Variants in ENOX2 observed in about 807,000 individuals in gnomAD.
The protein encoded by ENOX2 is APK1 antigen.
ENOX2 carries 36 observed loss-of-function variants against 45.0 expected under a neutral mutation model. The ratio of observed to expected loss-of-function variants is 0.80; its 90% confidence interval spans 0.61 to 1.06. The LOEUF is 1.06. ENOX2 is among the 50% of genes least tolerant of loss of function. The pLI is 0.00. For synonymous variants in ENOX2, 174 were observed against 152.3 expected (o/e 1.14, Z -1.05); for missense variants, 423 against 462.5 (o/e 0.91, Z 0.78).
chrX:130,870,566 G>A (rs959533501), intron 2 of ENOX2, among the ~76,000 whole-genome samples: 5 of 111,233 alleles, frequency 4.5e-5, no homozygotes, highest in Non-Finnish European at 9.4e-5. Context: ...AATTTTAAAC[G>A]TCAACTGGGG....
At chrX:130,851,437 G>A (rs1311187825) in intron 2 of ENOX2, among the ~76,000 whole-genome samples, 3 of 109,108 alleles carry the variant, frequency 2.7e-5, no homozygotes, top group Non-Finnish European at 5.7e-5. Flanking sequence ...CCCAGGCTGG[G>A]ATAAATGGAT....
intron 4 of ENOX2, among the ~76,000 whole-genome samples, chrX:130,698,553 GTAAAATATATA>G (rs768375058): frequency 9.0e-6 from 1 of 111,703 alleles, no homozygotes; most frequent in South Asian, 3.8e-4. Context: ...TTGGCTCTTG[GTAAAATATATA>G]CCATGATGAT....
chrX:130,818,269 AAC>A (rs1375048334), intron 2 of ENOX2, among the ~76,000 whole-genome samples: 1 of 111,935 alleles, frequency 8.9e-6, no homozygotes, highest in East Asian at 2.8e-4. Context: ...GAAATGGAAA[AAC>A]ATCCCGTGCT....
chrX:130,753,468 A>G (rs1050195570), intron 3 of ENOX2, among the ~76,000 whole-genome samples: 3 of 110,398 alleles, frequency 2.7e-5, no homozygotes, highest in African/African-American at 9.9e-5. Context: ...CTGTTTTTCC[A>G]TCTGACTGGC....
intron 8 of ENOX2, among the ~76,000 whole-genome samples, chrX:130,666,550 A>AT (rs1022904980): frequency 4.6e-5 from 5 of 108,592 alleles, no homozygotes; most frequent in Admixed American, 2.9e-4. Context: ...CAGAGGTATT[A>AT]TTTTTTTTTT....
chrX:130,892,083 G>A (rs190020717), intron 2 of ENOX2, among the ~76,000 whole-genome samples: 1 of 111,608 alleles, frequency 9.0e-6, no homozygotes, highest in African/African-American at 3.3e-5. Context: ...CATAGTACTT[G>A]ACACAAAATG....
chrX:130,800,125 C>T (rs1323453329), intron 2 of ENOX2, among the ~76,000 whole-genome samples: 1 of 110,697 alleles, frequency 9.0e-6, no homozygotes, highest in Non-Finnish European at 1.9e-5. Context: ...GAATAAATTA[C>T]CCTAATTGAC....
At chrX:130,772,739 A>T (rs2039770042) in intron 3 of ENOX2, among the ~76,000 whole-genome samples, 1 of 112,075 alleles carries the variant, frequency 8.9e-6, no homozygotes, top group Non-Finnish European at 1.9e-5. Flanking sequence ...TACACCAAGC[A>T]TCTTCTACGT....
intron 2 of ENOX2, among the ~76,000 whole-genome samples, chrX:130,821,741 T>TAAAAAAAAAAAAAAAAAAAAAA (rs1569505783): frequency 1.2e-4 from 3 of 24,209 alleles, no homozygotes; most frequent in African/African-American, 3.8e-4. Context: ...AATAAATAAA[T>TAAAAAAAAAAAAAAAAAAAAAA]TAAAAAAAAA....
At chrX:130,657,169 T>C (rs900510470) in intron 9 of ENOX2, among the ~76,000 whole-genome samples, 6 of 111,878 alleles carry the variant, frequency 5.4e-5, no homozygotes, top group African/African-American at 1.9e-4. Context: ...CTTTCAGGAG[T>C]AATATTCTAC....
At chrX:130,758,087 T>C (rs2039396354) in intron 3 of ENOX2, among the ~76,000 whole-genome samples, 1 of 112,101 alleles carries the variant, frequency 8.9e-6, no homozygotes, top group Non-Finnish European at 1.9e-5. Flanking sequence ...AGGCAAGGCA[T>C]GAGTCACCTG....
chrX:130,729,655 C>T (rs2038690062), intron 3 of ENOX2, among the ~76,000 whole-genome samples: 1 of 111,728 alleles, frequency 9.0e-6, no homozygotes. Context: ...TAAAATGCTC[C>T]CTATCATAAT....
chrX:130,852,351 T>C (rs1420693479), intron 2 of ENOX2, among the ~76,000 whole-genome samples: 1 of 112,236 alleles, frequency 8.9e-6, no homozygotes, highest in African/African-American at 3.2e-5. Flanking sequence ...GCAATGGGAA[T>C]ACAAAAGTGA....
intron 2 of ENOX2, among the ~76,000 whole-genome samples, chrX:130,889,172 A>T (rs756677385): frequency 1.8e-5 from 2 of 112,132 alleles, no homozygotes; most frequent in South Asian, 7.4e-4. Flanking sequence ...GGGGCACTAA[A>T]TGATCCAGGC....
chrX:130,783,601 T>C lies in ENOX2; in HGVS notation c.-93A>G, dbSNP rs1233679802. On this transcript the variant is annotated 5_prime_UTR_variant, in exon 3 of 15. Transcript: ENST00000394363. ...TTGCTTGATTCCCCTCCATTCTCAA[T>C]GAGGCCTTCTGTGACCAGAGGGCCA... 1 of 328,228 alleles carries C rather than the reference T, an allele frequency of 3.0e-6. No individual in the cohort carries two copies. Among genetic ancestry groups the C allele is most frequent in the African/African-American group, 2.7e-5 (1 of 37,466 alleles). 27.0% of individuals were successfully genotyped at this position (328,228 alleles called of 1,213,427 possible). A position where few individuals can be genotyped will look rare whatever the true frequency, so the allele number is the denominator to read the frequency against.
At chrX:130,706,716 A>G (rs1195163819) in intron 3 of ENOX2, among the ~76,000 whole-genome samples, 1 of 112,199 alleles carries the variant, frequency 8.9e-6, no homozygotes, top group East Asian at 2.8e-4. Context: ...AGCAGTCTAT[A>G]CAATGACACC....
intron 2 of ENOX2, among the ~76,000 whole-genome samples, chrX:130,797,914 C>A (rs1261153051): frequency 9.0e-6 from 1 of 110,762 alleles, no homozygotes; most frequent in East Asian, 2.8e-4. Context: ...CAACCCAGGG[C>A]CCAACATAAT....
intron 3 of ENOX2, among the ~76,000 whole-genome samples, chrX:130,720,812 G>A (rs773764700): frequency 1.8e-5 from 2 of 111,468 alleles, no homozygotes; most frequent in African/African-American, 6.5e-5. Context: ...ACTTGTGGTT[G>A]GGTGTAGACA....
intron 10 of ENOX2, chrX:130,645,804 G>A: frequency 1.3e-6 from 1 of 791,480 alleles, no homozygotes. Flanking sequence ...GCTGTCGCTT[G>A]TCTACTTCCT....
Sources: gnomAD v4.1 joint callset for allele counts (sites outside exome capture counted in the v4.1 genomes callset) on GRCh38, gnomAD v4.1.1 for gene constraint, MANE v1.5 for transcripts, NCBI Gene and HGNC (gene_info 2026-07-23, HGNC 2026-07-21) for gene names.